SPOCK2: variants seen among roughly 807,000 people sequenced by gnomAD.
SPOCK2 encodes the protein SPARC (osteonectin), cwcv and kazal like domains proteoglycan 2.
A neutral mutation model predicts 60.1 loss-of-function variants in SPOCK2; 39 were observed. The ratio of observed to expected loss-of-function variants is 0.65; its 90% CI spans 0.50 to 0.85. The LOEUF (loss-of-function observed/expected upper bound fraction) is 0.85, where lower values mean the gene tolerates loss of function less well. SPOCK2 is among the 40% of genes least tolerant of loss of function. The pLI is 0.00. For missense variants in SPOCK2, 523 were observed against 567.4 expected (o/e 0.92, Z 0.80); for synonymous variants, 217 against 231.5 (o/e 0.94, Z 0.57).
chr10:72,072,230 C>G lies in SPOCK2; in HGVS notation c.273G>C (p.Gln91His). 1 of 1,546,086 alleles carries G rather than the reference C, an allele frequency of 6.5e-7. No individual in the cohort carries two copies. Among genetic ancestry groups the G allele is most frequent in the East Asian group, 2.4e-5 (1 of 41,444 alleles). Residue 91 changes from glutamine to histidine, a missense_variant, in exon 4 of 11, where the codon CAG becomes CAC. Transcript: ENST00000373109. ...EALDTTKDPCQKVKCSRHKVC... is the reference protein window; with the variant it reads ...EALDTTKDPCHKVKCSRHKVC... ...CCTTGTGGCGGCTGCACTTCACCTT[C>G]TGGCAGGGGTCCTTGGTGGTATCCA...
Position 72,086,546 on chromosome 10 carries a change from C to A in SPOCK2, c.189+1594G>T, listed in dbSNP as rs915999909. ...GATTCCGGATGGGCCGGCCTGCTGC[C>A]GCCCCCTCGCTGCTGTGGCCGGGCT... is the stretch of plus-strand genomic sequence containing the variant. On this transcript the variant is annotated intron_variant, in intron 1 of 10. Coordinates refer to ENST00000373109, the MANE Select transcript of SPOCK2 (RefSeq NM_001244950.2). The A allele has an allele frequency of 4.4e-6, 5 of 1,140,374 alleles. No individual in the cohort carries two copies. In the South Asian group the frequency reaches 9.3e-5, roughly 21 times the overall value. 70.6% of individuals were successfully genotyped at this position (1,140,374 alleles called of 1,614,324 possible). A position where few individuals can be genotyped will look rare whatever the true frequency, so the allele number is the denominator to read the frequency against.
In SPOCK2 at chr10:72,075,516, C is replaced by T. The variant is rs12773019; in HGVS notation, c.190-2606G>A. Among the ~76,000 whole-genome samples, 13 of 152,266 alleles carry T rather than the reference C, an allele frequency of 8.5e-5. No individual in the cohort carries two copies. In the South Asian group the frequency reaches 1.2e-3, roughly 15 times the overall value. On this transcript the variant is annotated intron_variant, in intron 1 of 10. Coordinates refer to ENST00000373109, the MANE Select transcript of SPOCK2 (RefSeq NM_001244950.2). Reference sequence around the variant, plus strand: ...CTGCTGCCTTAACCTCCAACCAGGCCGTGAGTGGAATTTTTGGGACTCAGT... The same window carrying T: ...CTGCTGCCTTAACCTCCAACCAGGCTGTGAGTGGAATTTTTGGGACTCAGT...
At chr10:72,072,845 G>T in intron 2 of SPOCK2, 57 bp downstream of exon 2, 1 of 1,551,250 alleles carries the variant, frequency 6.4e-7, no homozygotes, top group East Asian at 2.4e-5. Flanking sequence ...GGACACAGGA[G>T]GGGAGGGGGT....
chr10:72,061,875 C>T lies in SPOCK2; in HGVS notation c.*885G>A, dbSNP rs1678623. ...CCCCATCTCAACACCTAAAAGCTCC[C>T]CCAGGCTCTGCAGCCACAGCCTCCT... On this transcript the variant is annotated 3_prime_UTR_variant, in exon 11 of 11. Transcript: ENST00000373109. 54,772 of 153,336 alleles carry T rather than the reference C, an allele frequency of 0.36. 10,706 individuals are homozygous for T. The highest frequency in any genetic ancestry group is 0.49 in the Middle Eastern group (153 of 310). 9.5% of individuals were successfully genotyped at this position (153,336 alleles called of 1,614,324 possible).
chr10:72,067,718 G>C lies in SPOCK2; in HGVS notation c.604C>G (p.Gln202Glu). The C allele has an allele frequency of 1.2e-6, 2 of 1,613,594 alleles. No individual in the cohort carries two copies. Among genetic ancestry groups the C allele is most frequent in the African/African-American group, 1.3e-5 (1 of 75,048 alleles). ...CGATCTCCCAGGTCAGCCAGGTCCT[G>C]ACCGGTGCAAGTCTCTGCAGAACAG... Reference protein sequence around the residue: ...ADGKPETCTGQDLADLGDRLR... With the variant: ...ADGKPETCTGEDLADLGDRLR... Residue 202 changes from glutamine to glutamate, a missense_variant, in exon 7 of 11, where the codon CAG (glutamine) becomes GAG (glutamate). Coordinates refer to ENST00000373109, the MANE Select transcript of SPOCK2 (RefSeq NM_001244950.2).
intron 1 of SPOCK2, chr10:72,086,719 G>A (rs1033268515): frequency 2.2e-6 from 3 of 1,383,462 alleles, no homozygotes; most frequent in Non-Finnish European, 2.8e-6. Context: ...GCGGGGCCCG[G>A]CCACTCAGCC....
rs1018304921 is a variant in SPOCK2 at position 72,061,072 on chromosome 10, C to T, written c.*1688G>A. On this transcript the variant is annotated 3_prime_UTR_variant, in exon 11 of 11. Transcript: ENST00000373109. ...CAGGCACACGCACACACGCTGCACT[C>T]ACCACGCACTGAAGGGCATCACAGC... is the stretch of plus-strand genomic sequence containing the variant. The T allele has an allele frequency of 2.6e-5, 4 of 152,956 alleles. No homozygotes were observed. Among genetic ancestry groups the T allele is most frequent in the Non-Finnish European group, 4.4e-5 (3 of 68,178 alleles). The allele number at this position is 152,956 out of a possible 1,614,324, so 9.5% of individuals were successfully genotyped here.
At chr10:72,070,101 CA>C (rs568996802) in intron 5 of SPOCK2, 85 of 536,848 alleles carry the variant, frequency 1.6e-4, no homozygotes, top group African/African-American at 1.2e-3. Context: ...AGGTCAGGGA[CA>C]GACAGGGTCT....
chr10:72,067,812 C>A, intron 6 of SPOCK2, 80 bp from the exon 7 acceptor site: 1 of 1,552,548 alleles, frequency 6.4e-7, no homozygotes, highest in South Asian at 1.2e-5. Context: ...TCCTGCCCTA[C>A]AGGCCAGGAG....
chr10:72,068,088 C>G (rs1840595676), intron 6 of SPOCK2, 99 bp downstream of exon 6: 1 of 1,382,518 alleles, frequency 7.2e-7, no homozygotes, highest in African/African-American at 1.4e-5. Context: ...TGCCACTTCC[C>G]TCTTGCTCTG....
chr10:72,078,539 T>C (rs1030518957), intron 1 of SPOCK2, among the ~76,000 whole-genome samples: 3 of 151,492 alleles, frequency 2.0e-5, no homozygotes, highest in African/African-American at 7.3e-5. Context: ...ATAATAAAAA[T>C]AAAATAAATT....
intron 5 of SPOCK2, chr10:72,070,047 C>G (rs1055254257): frequency 2.6e-6 from 1 of 387,550 alleles, no homozygotes; most frequent in African/African-American, 2.1e-5. Context: ...GTTACCTGAC[C>G]ATAGTGTCTC....
upstream of SPOCK2, chr10:72,088,609 T>A: frequency 4.1e-5 from 12 of 295,138 alleles, no homozygotes; most frequent in Non-Finnish European, 6.1e-5. Flanking sequence ...TTTGACATCA[T>A]CATACCTGGT....
At chr10:72,080,104 T>C (rs1245558) in intron 1 of SPOCK2, among the ~76,000 whole-genome samples, 91,781 of 151,766 alleles carry the variant, frequency 0.6, 29,467 homozygotes, top group African/African-American at 0.84. Flanking sequence ...TGGGCAGAGG[T>C]TCTGTAGGGT....
intron 1 of SPOCK2, among the ~76,000 whole-genome samples, chr10:72,075,653 TC>T (rs1366523422): frequency 2.0e-5 from 3 of 152,116 alleles, no homozygotes; most frequent in Non-Finnish European, 4.4e-5. Flanking sequence ...TGCTCCACCA[TC>T]CCCCACTCCC....
At chr10:72,065,572 C>T (rs1048629026) in intron 8 of SPOCK2, among the ~76,000 whole-genome samples, 1 of 152,232 alleles carries the variant, frequency 6.6e-6, no homozygotes, top group Non-Finnish European at 1.5e-5. Context: ...TGACTGTAAC[C>T]GGCAGCCAGC....
intron 1 of SPOCK2, among the ~76,000 whole-genome samples, chr10:72,083,627 G>C (rs1440631273): frequency 6.6e-6 from 1 of 152,170 alleles, no homozygotes; most frequent in African/African-American, 2.4e-5. Context: ...CAGGCAAAGA[G>C]GGCTCTTCTC....
At chr10:72,070,258 C>G in intron 5 of SPOCK2, 54 bp downstream of exon 5, 1 of 1,573,106 alleles carries the variant, frequency 6.4e-7, no homozygotes, top group Non-Finnish European at 8.7e-7. Context: ...CTTTCTGCTT[C>G]CTGTGGCCTC....
intron 1 of SPOCK2, among the ~76,000 whole-genome samples, chr10:72,082,205 A>C (rs893922477): frequency 7.9e-5 from 12 of 152,224 alleles, no homozygotes; most frequent in African/African-American, 2.9e-4. Context: ...AAGGAGCCAC[A>C]CCTGCAACTG....
Sources: allele counts gnomAD v4.1 joint callset (sites outside exome capture counted in the v4.1 genomes callset), GRCh38; gene constraint gnomAD v4.1.1; transcripts MANE v1.5; gene names NCBI Gene and HGNC (gene_info 2026-07-23, HGNC 2026-07-21).